Variants in MAML3 observed in about 807,000 individuals in gnomAD.
MAML3 encodes the protein mastermind-like protein 3.
MAML3 carries 27 observed loss-of-function variants against 101.9 expected under a neutral mutation model. The observed-to-expected ratio is 0.27, with a 90% CI of 0.20 to 0.37. The LOEUF is 0.37. Among genes scored for constraint, MAML3 ranks in the 10% least tolerant of loss-of-function variants. MAML3 has a pLI of 1.00. For missense variants in MAML3, 1,316 were observed against 1,444.9 expected, an observed-to-expected ratio of 0.91 and a Z score of 1.45; for synonymous variants, 501 against 555.9, an observed-to-expected ratio of 0.90 and a Z score of 1.39.
chr4:139,858,581 C>T (rs190231372), intron 2 of MAML3, among the ~76,000 whole-genome samples: 95 of 151,616 alleles, frequency 6.3e-4, no homozygotes, highest in Non-Finnish European at 1.1e-3. Context: ...TGCTTTTGTG[C>T]GTCCCACACA....
At chr4:140,024,666 T>C (rs1404529450) in intron 1 of MAML3, among the ~76,000 whole-genome samples, 1 of 152,106 alleles carries the variant, frequency 6.6e-6, no homozygotes, top group Non-Finnish European at 1.5e-5. Flanking sequence ...CCAAAAAATA[T>C]ATATAAATAG....
At chr4:140,101,313 T>C (rs1054431788) in intron 1 of MAML3, among the ~76,000 whole-genome samples, 3 of 152,162 alleles carry the variant, frequency 2.0e-5, no homozygotes, top group Non-Finnish European at 2.9e-5. Flanking sequence ...ACTTTTCCTC[T>C]AAAGGGAGGA....
chr4:140,054,099 G>C lies in MAML3; in HGVS notation c.468+98761C>G, dbSNP rs756454636. Among the ~76,000 whole-genome samples the C allele has an allele frequency of 2.3e-4, 35 of 152,228 alleles. 1 individual carries two copies. Among genetic ancestry groups the C allele is most frequent in the South Asian group, 4.1e-4 (2 of 4,834 alleles). On this transcript the variant is annotated intron_variant, in intron 1 of 4. Coordinates refer to ENST00000509479, the MANE Select transcript of MAML3 (RefSeq NM_018717.5). ...AAAAACAGTAACATGGGCAGGCGCA[G>C]TGGCTCACGCCTGTAATCCCAGCAC...
At chr4:139,806,838 G>A (rs961352110) in intron 2 of MAML3, among the ~76,000 whole-genome samples, 1 of 152,112 alleles carries the variant, frequency 6.6e-6, no homozygotes, top group African/African-American at 2.4e-5. Flanking sequence ...AATGCTGTTG[G>A]ATTTAATGCT....
At position 139,772,862 on chromosome 4, in the gene MAML3, G is replaced by A. The variant is rs555952983; in HGVS notation, c.2080-42195C>T. Among the ~76,000 whole-genome samples, 13 of 145,810 alleles carry A rather than the reference G, an allele frequency of 8.9e-5. No homozygotes were observed. The East Asian group carries it at 2.2e-3, about 25-fold the overall frequency. On this transcript the variant is annotated intron_variant, in intron 2 of 4. Coordinates refer to ENST00000509479, the MANE Select transcript of MAML3 (RefSeq NM_018717.5). ...TGGGAGGCCGAGGAGGGCAGATCAC[G>A]AAGTCAGGAGTTCGAGACCAGCCTG...
chr4:139,951,829 C>T (rs1412628186), intron 1 of MAML3, among the ~76,000 whole-genome samples: 1 of 151,520 alleles, frequency 6.6e-6, no homozygotes, highest in Non-Finnish European at 1.5e-5. Flanking sequence ...TAAGGGGGGC[C>T]AAGGGGTGAA....
At chr4:139,819,574 ACTT>A (rs1730942650) in intron 2 of MAML3, among the ~76,000 whole-genome samples, 1 of 151,948 alleles carries the variant, frequency 6.6e-6, no homozygotes, top group Admixed American at 6.6e-5. Flanking sequence ...CTCACTTTTA[ACTT>A]CTTCTTGGGT....
At chr4:139,820,926 T>TA (rs1289167056) in intron 2 of MAML3, among the ~76,000 whole-genome samples, 1 of 152,102 alleles carries the variant, frequency 6.6e-6, no homozygotes, top group Non-Finnish European at 1.5e-5. Flanking sequence ...GGTCAAGGAG[T>TA]AGGACCACCT....
rs1406156887 is a variant in MAML3 at position 140,137,656 on chromosome 4, G to A, written c.468+15204C>T. ...AGTATGCACTATCTTTGTTAATAGAGTAATGAAAACGGCATTAGAAAAAGT... is the reference window on the plus strand; with the variant it reads ...AGTATGCACTATCTTTGTTAATAGAATAATGAAAACGGCATTAGAAAAAGT... On this transcript the variant is annotated intron_variant, in intron 1 of 4. Coordinates refer to ENST00000509479, the MANE Select transcript of MAML3 (RefSeq NM_018717.5). Among the ~76,000 whole-genome samples the A allele has an allele frequency of 2.0e-5, 3 of 152,218 alleles. No individual in the cohort carries two copies. In the South Asian group the frequency reaches 6.2e-4, roughly 31 times the overall value.
At chr4:140,149,983 T>C (rs1266140788) in intron 1 of MAML3, among the ~76,000 whole-genome samples, 2 of 147,598 alleles carry the variant, frequency 1.4e-5, no homozygotes, top group East Asian at 4.1e-4. Context: ...CTTGCAACTC[T>C]GCTTAAGAGT....
At chr4:139,947,994 G>A (rs1356404348) in intron 1 of MAML3, among the ~76,000 whole-genome samples, 1 of 152,022 alleles carries the variant, frequency 6.6e-6, no homozygotes, top group Non-Finnish European at 1.5e-5. Flanking sequence ...TCAGCTACTC[G>A]GGAGGCTGAG....
intron 2 of MAML3, among the ~76,000 whole-genome samples, chr4:139,816,669 A>G (rs1377588560): frequency 6.6e-6 from 1 of 152,076 alleles, no homozygotes; most frequent in Non-Finnish European, 1.5e-5. Context: ...CACTGATGTC[A>G]ATCCAGTTCA....
intron 4 of MAML3, among the ~76,000 whole-genome samples, chr4:139,721,903 C>T (rs1320576558): frequency 2.6e-5 from 4 of 152,034 alleles, no homozygotes; most frequent in Admixed American, 2.6e-4. Context: ...AAATTTTTAT[C>T]GGCTGCATGG....
chr4:139,813,427 T>C (rs1314089710), intron 2 of MAML3, among the ~76,000 whole-genome samples: 1 of 152,182 alleles, frequency 6.6e-6, no homozygotes, highest in African/African-American at 2.4e-5. Context: ...AGATCCTAAA[T>C]GTTTCCAAAA....
chr4:139,968,139 C>T (rs906542171), intron 1 of MAML3, among the ~76,000 whole-genome samples: 1 of 151,356 alleles, frequency 6.6e-6, no homozygotes, highest in Non-Finnish European at 1.5e-5. Context: ...ATTAGCCAGG[C>T]ATGGGGGCAC....
intron 2 of MAML3, among the ~76,000 whole-genome samples, chr4:139,850,812 T>C (rs1731534544): frequency 6.6e-6 from 1 of 152,030 alleles, no homozygotes; most frequent in Non-Finnish European, 1.5e-5. Context: ...CCAATGTATA[T>C]TTTCTTTGCT....
At chr4:139,956,334 G>A (rs1302023444) in intron 1 of MAML3, among the ~76,000 whole-genome samples, 1 of 152,156 alleles carries the variant, frequency 6.6e-6, no homozygotes, top group East Asian at 1.9e-4. Flanking sequence ...CTGCTTCTTT[G>A]GGGTCAGTTA....
intron 2 of MAML3, among the ~76,000 whole-genome samples, chr4:139,827,262 C>T (rs187443986): frequency 2.6e-5 from 4 of 152,224 alleles, no homozygotes; most frequent in African/African-American, 4.8e-5. Flanking sequence ...CAGTTTAAGA[C>T]GACCACAACC....
At chr4:139,805,365 A>C (rs1416743152) in intron 2 of MAML3, among the ~76,000 whole-genome samples, 1 of 152,238 alleles carries the variant, frequency 6.6e-6, no homozygotes, top group Non-Finnish European at 1.5e-5. Context: ...TAATCCAATT[A>C]GTTTTCAGAT....
Sources: allele counts gnomAD v4.1 joint callset (sites outside exome capture counted in the v4.1 genomes callset), GRCh38; gene constraint gnomAD v4.1.1; transcripts MANE v1.5; gene names NCBI Gene and HGNC (gene_info 2026-07-23, HGNC 2026-07-21).